Variants in DPYD observed in about 807,000 individuals in gnomAD.
DPYD encodes dihydropyrimidine dehydrogenase [NADP(+)].
A neutral mutation model predicts 116.2 loss-of-function variants in DPYD; 109 were observed. The ratio of observed to expected loss-of-function variants is 0.94; its 90% CI spans 0.80 to 1.10. The LOEUF (loss-of-function observed/expected upper bound fraction) is 1.10. DPYD is among the 50% of genes least tolerant of loss of function. The pLI is 0.00. For missense variants in DPYD, 1,302 were observed against 1,254.5 expected (o/e 1.04, Z -0.57); for synonymous variants, 440 against 432.0 (o/e 1.02, Z -0.23).
At chr1:97,110,061 A>G (rs1379175548) in intron 20 of DPYD, among the ~76,000 whole-genome samples, 6 of 151,992 alleles carry the variant, frequency 3.9e-5, no homozygotes. Context: ...CTCCCTCTAC[A>G]TTGGCCATGA....
intron 18 of DPYD, among the ~76,000 whole-genome samples, chr1:97,285,323 G>T (rs1311554953): frequency 2.6e-5 from 4 of 152,120 alleles, no homozygotes; most frequent in Non-Finnish European, 5.9e-5. Flanking sequence ...TTCACTGTAG[G>T]TTCTATCCTA....
chr1:97,542,024 G>A (rs574386353), intron 12 of DPYD, among the ~76,000 whole-genome samples: 64 of 152,198 alleles, frequency 4.2e-4, no homozygotes, highest in South Asian at 1.0e-3. Context: ...GGGAATTTCT[G>A]ACAAACTGGA....
intron 20 of DPYD, among the ~76,000 whole-genome samples, chr1:97,150,345 T>C (rs1654926735): frequency 6.6e-6 from 1 of 152,184 alleles, no homozygotes; most frequent in African/African-American, 2.4e-5. Context: ...TCTCTCTTCT[T>C]CGCTACAGTA....
chr1:97,316,561 T>TAAAATAAAATAAAATAAAATAAAA (rs1261931074), intron 16 of DPYD, among the ~76,000 whole-genome samples: 3 of 151,262 alleles, frequency 2.0e-5, no homozygotes, highest in Non-Finnish European at 4.4e-5. Flanking sequence ...TAAAATAAAA[T>TAAAATAAAATAAAATAAAATAAAA]ATCATTCATT....
At chr1:97,434,543 G>T (rs912594612) in intron 14 of DPYD, among the ~76,000 whole-genome samples, 1 of 151,958 alleles carries the variant, frequency 6.6e-6, no homozygotes, top group Non-Finnish European at 1.5e-5. Context: ...TGATTAGTTA[G>T]GAGCTCATTT....
chr1:97,436,986 G>A (rs1331764875), intron 14 of DPYD, among the ~76,000 whole-genome samples: 1 of 151,384 alleles, frequency 6.6e-6, no homozygotes, highest in Non-Finnish European at 1.5e-5. Flanking sequence ...CAGATTTATG[G>A]AAGTATACTT....
At chr1:97,676,236 G>A in intron 8 of DPYD, among the ~76,000 whole-genome samples, 1 of 152,018 alleles carries the variant, frequency 6.6e-6, no homozygotes, top group Non-Finnish European at 1.5e-5. Flanking sequence ...TATGATTCTA[G>A]ACGTTTGATG....
chr1:97,795,164 GGT>G (rs1304219272), intron 3 of DPYD, among the ~76,000 whole-genome samples: 1 of 151,748 alleles, frequency 6.6e-6, no homozygotes, highest in Non-Finnish European at 1.5e-5. Flanking sequence ...ACCAGTGTTG[GGT>G]AACTTCAAAA....
chr1:97,719,852 C>T, intron 5 of DPYD: 2 of 984,878 alleles, frequency 2.0e-6, no homozygotes, highest in Non-Finnish European at 2.4e-6. Flanking sequence ...CAGATACATT[C>T]CTATTCTAAA....
chr1:97,471,240 G>A (rs746343350), intron 13 of DPYD, among the ~76,000 whole-genome samples: 2 of 152,050 alleles, frequency 1.3e-5, no homozygotes, highest in Non-Finnish European at 2.9e-5. Context: ...ACTTCAATAT[G>A]TTTTAAAGGG....
chr1:97,466,086 G>C (rs908436988), intron 13 of DPYD, among the ~76,000 whole-genome samples: 2 of 152,192 alleles, frequency 1.3e-5, no homozygotes, highest in Non-Finnish European at 2.9e-5. Flanking sequence ...GGATGACATG[G>C]AGAGACCCTG....
intron 19 of DPYD, among the ~76,000 whole-genome samples, chr1:97,221,630 A>G (rs1660779722): frequency 6.6e-6 from 1 of 152,144 alleles, no homozygotes; most frequent in Non-Finnish European, 1.5e-5. Flanking sequence ...CAAAGTCTAT[A>G]AAACATTGAA....
intron 8 of DPYD, among the ~76,000 whole-genome samples, chr1:97,625,476 G>A (rs1036594999): frequency 6.6e-6 from 1 of 151,972 alleles, no homozygotes; most frequent in African/African-American, 2.4e-5. Flanking sequence ...GAACTGAGTA[G>A]TATCCCCTCA....
intron 20 of DPYD, among the ~76,000 whole-genome samples, chr1:97,181,852 C>T (rs1657669448): frequency 6.6e-6 from 1 of 152,132 alleles, no homozygotes; most frequent in Admixed American, 6.6e-5. Flanking sequence ...TTGCTTACAA[C>T]TACATGCTAT....
chr1:97,747,650 T>C (rs1664633178), intron 3 of DPYD, among the ~76,000 whole-genome samples: 1 of 152,212 alleles, frequency 6.6e-6, no homozygotes, highest in Non-Finnish European at 1.5e-5. Context: ...TATGTAGCTA[T>C]GTATGTACAT....
chr1:97,307,102 T>G (rs2101043577), intron 16 of DPYD, among the ~76,000 whole-genome samples: 1 of 152,040 alleles, frequency 6.6e-6, no homozygotes, highest in African/African-American at 2.4e-5. Flanking sequence ...ATTGAATAAC[T>G]TAGCTACAGT....
intron 8 of DPYD, among the ~76,000 whole-genome samples, chr1:97,666,802 T>C (rs1051018759): frequency 2.0e-5 from 3 of 152,208 alleles, no homozygotes; most frequent in Admixed American, 6.5e-5. Flanking sequence ...CTGCTACCTA[T>C]GTTGTTGTTC....
At chr1:97,668,004 T>G (rs866928142) in intron 8 of DPYD, among the ~76,000 whole-genome samples, 2 of 152,224 alleles carry the variant, frequency 1.3e-5, no homozygotes, top group South Asian at 2.1e-4. Context: ...GTACATAGAA[T>G]AGTCAAATTC....
chr1:97,680,468 A>G (rs1168988868), intron 7 of DPYD, among the ~76,000 whole-genome samples: 1 of 152,138 alleles, frequency 6.6e-6, no homozygotes. Context: ...TTATTGCTAG[A>G]GAAGTTTTAT....
Sources: gnomAD v4.1 joint callset for allele counts (sites outside exome capture counted in the v4.1 genomes callset) on GRCh38, gnomAD v4.1.1 for gene constraint, MANE v1.5 for transcripts, NCBI Gene and HGNC (gene_info 2026-07-23, HGNC 2026-07-21) for gene names.